GIT2: variants seen among roughly 807,000 people sequenced by gnomAD.
GIT2 encodes GIT ArfGAP 2, also known as ARF GTPase-activating protein GIT2.
A neutral mutation model predicts 100.3 loss-of-function variants in GIT2; 32 were observed. The observed-to-expected ratio is 0.32, with a 90% CI of 0.24 to 0.43. GIT2 has a LOEUF of 0.43. GIT2 is among the 20% of genes least tolerant of loss of function. GIT2 has a pLI of 1.00. For synonymous variants in GIT2, 353 were observed against 364.1 expected, an observed-to-expected ratio of 0.97 and a Z score of 0.35; for missense variants, 737 against 975.1, an observed-to-expected ratio of 0.76 and a Z score of 3.25.
intron 13 of GIT2, chr12:109,952,490 T>G (rs1300232471): frequency 3.9e-6 from 2 of 518,936 alleles, no homozygotes; most frequent in Admixed American, 3.9e-5. Flanking sequence ...TGAGGCCCAC[T>G]CTCTTCCGTC....
intron 7 of GIT2, among the ~76,000 whole-genome samples, chr12:109,976,430 G>A (rs1267062951): frequency 4.1e-5 from 6 of 147,194 alleles, no homozygotes; most frequent in Admixed American, 1.4e-4. Flanking sequence ...GACTACAGGC[G>A]CCCACCACCA....
At chr12:109,972,258 A>T (rs1289252709) in intron 7 of GIT2, among the ~76,000 whole-genome samples, 1 of 152,130 alleles carries the variant, frequency 6.6e-6, no homozygotes, top group Non-Finnish European at 1.5e-5. Flanking sequence ...TGGACACCCT[A>T]GTCTTTCTCC....
At position 109,948,123 on chromosome 12, in the gene GIT2, TAAA is replaced by T; in HGVS notation, c.1393-622_1393-620del. 2.6e-6 allele frequency: 2 copies of T among 762,180 alleles called. No individual in the cohort carries two copies. The highest frequency in any genetic ancestry group is 3.2e-6 in the Non-Finnish European group (2 of 631,022). 47.2% of individuals were successfully genotyped at this position (762,180 alleles called of 1,614,324 possible). A position where few individuals can be genotyped will look rare whatever the true frequency, so the allele number is the denominator to read the frequency against. On this transcript the variant is annotated intron_variant, in intron 14 of 19. Transcript: ENST00000355312. This position sits in a 1 kb window ranked among gnomAD's most constrained non-coding sequence, Gnocchi z 4.3. ...ATATTCCAAACAATTCAGCACTTTG[TAAA>T]AAAAAAAAGAAAAAAGAGAAAACCG...
chr12:109,942,219 A>AC (rs781166428), intron 16 of GIT2, among the ~76,000 whole-genome samples: 5 of 152,162 alleles, frequency 3.3e-5, no homozygotes, highest in Non-Finnish European at 5.9e-5. Flanking sequence ...ATAGATAAAA[A>AC]CTTGCATTTA....
chr12:109,953,148 C>A lies in GIT2; in HGVS notation c.1186G>T (p.Ala396Ser). 2 of 1,614,034 alleles carry A rather than the reference C, an allele frequency of 1.2e-6. No homozygotes were observed. Among genetic ancestry groups the A allele is most frequent in the Non-Finnish European group, 1.7e-6 (2 of 1,179,910 alleles). Residue 396 changes from alanine to serine, a missense_variant, in exon 13 of 20, where the codon GCA becomes TCA. Physicochemically the swap from Ala to Ser is moderately conservative, Grantham distance 99. Around this residue, in one of 3 missense-constraint regions of GIT2, gnomAD observed 451 missense variants for 543.7 expected, o/e 0.83. Coordinates refer to ENST00000355312, the MANE Select transcript of GIT2 (RefSeq NM_057169.5). ...TCCAAATCTGTGTCTTCGTCTGATG[C>A]CACGCTGTCATAGTCGGGCTGATCG... The part of the protein sequence containing the change: ...DNDQPDYDSV[A>S]SDEDTDLETT...
In GIT2 at chr12:109,952,875, A is replaced by G. The variant is rs1456506059; in HGVS notation, c.1242+217T>C. ...TCAGTAAACACTTGTTGAATGAATAAAACACACCAATCACTCCTCACAAGT... is the reference window on the plus strand; with the variant it reads ...TCAGTAAACACTTGTTGAATGAATAGAACACACCAATCACTCCTCACAAGT... On this transcript the variant is annotated intron_variant, in intron 13 of 19. Transcript: ENST00000355312. The G allele has an allele frequency of 2.4e-5, 14 of 591,596 alleles. No homozygotes were observed. The Admixed American group carries it at 4.2e-4, about 18-fold the overall frequency. 36.6% of individuals were successfully genotyped at this position (591,596 alleles called of 1,614,324 possible).
At chr12:109,998,281 C>A (rs546345140), upstream of GIT2, 2 of 152,332 alleles carry the variant, frequency 1.3e-5, no homozygotes, top group African/African-American at 4.8e-5. Flanking sequence ...GCTCCTGCAT[C>A]CTGTTTTGGT....
At chr12:109,999,306 G>T (rs889175737), upstream of GIT2, 1 of 153,474 alleles carries the variant, frequency 6.5e-6, no homozygotes, top group African/African-American at 2.4e-5. This position sits in a 1 kb window ranked among gnomAD's most constrained non-coding sequence, Gnocchi z 4.3. Flanking sequence ...TGAGTTTCTC[G>T]GTGTGAGCTG....
At chr12:109,938,616 GCCC>G in intron 17 of GIT2, 48 bp from the exon 18 acceptor site, 1 of 1,416,568 alleles carries the variant, frequency 7.1e-7, no homozygotes, top group Non-Finnish European at 9.6e-7. Context: ...CTTATCAGCT[GCCC>G]CTCTGCTTCT....
In GIT2 at chr12:109,948,287, G is replaced by C. The variant is rs1345599563; in HGVS notation, c.1393-783C>G. Reference sequence around the variant, plus strand: ...CTGGTGAGTGATCATCTTTCGGCCAGGGCTGGAATATTTGGCCTTTCTCTC... The same window carrying C: ...CTGGTGAGTGATCATCTTTCGGCCACGGCTGGAATATTTGGCCTTTCTCTC... On this transcript the variant is annotated intron_variant, in intron 14 of 19. Transcript: ENST00000355312. This position sits in a 1 kb window ranked among gnomAD's most constrained non-coding sequence, Gnocchi z 4.3. 1 of 986,910 alleles carries C rather than the reference G, an allele frequency of 1.0e-6. No individual in the cohort carries two copies. Among genetic ancestry groups the C allele is most frequent in the East Asian group, 1.1e-4 (1 of 8,860 alleles). The allele number at this position is 986,910 out of a possible 1,614,324, so 61.1% of individuals were successfully genotyped here.
intron 18 of GIT2, among the ~76,000 whole-genome samples, chr12:109,937,546 C>T (rs762140487): frequency 7.2e-5 from 11 of 152,080 alleles, no homozygotes; most frequent in Non-Finnish European, 8.8e-5. Flanking sequence ...CGCAACTCAC[C>T]GGAAGTTCTC....
At chr12:109,943,367 G>A (rs576464872) in intron 16 of GIT2, among the ~76,000 whole-genome samples, 3 of 151,678 alleles carry the variant, frequency 2.0e-5, no homozygotes, top group East Asian at 3.9e-4. Context: ...TCACTCTGTC[G>A]CCCAGGCTGG....
At chr12:109,987,932 A>G (rs1670834586) in intron 4 of GIT2, among the ~76,000 whole-genome samples, 1 of 152,224 alleles carries the variant, frequency 6.6e-6, no homozygotes, top group South Asian at 2.1e-4. Context: ...TACAAGTATC[A>G]TAAACCATTC....
At chr12:109,943,034 T>C (rs1875232669) in intron 16 of GIT2, 1 of 152,182 alleles carries the variant, frequency 6.6e-6, no homozygotes, top group African/African-American at 2.4e-5. Context: ...ATTTAATAGG[T>C]TTGCAGTTTT....
chr12:109,976,559 C>T (rs988474896), intron 7 of GIT2, among the ~76,000 whole-genome samples: 8 of 150,672 alleles, frequency 5.3e-5, no homozygotes, highest in South Asian at 4.2e-4. Context: ...GCTGGGATTA[C>T]GGGCGTGAGC....
At chr12:109,944,969 G>A (rs1468236061) in intron 16 of GIT2, among the ~76,000 whole-genome samples, 1 of 152,140 alleles carries the variant, frequency 6.6e-6, no homozygotes, top group Non-Finnish European at 1.5e-5. Context: ...TTTTCTCGTT[G>A]TTTAAAAAAA....
Position 109,947,823 on chromosome 12 carries a change from C to T in GIT2, c.1393-319G>A, listed in dbSNP as rs1876754555. 3.2e-6 allele frequency: 1 copy of T among 310,008 alleles called. No individual in the cohort carries two copies. Among genetic ancestry groups the T allele is most frequent in the East Asian group, 8.1e-5 (1 of 12,276 alleles). 19.2% of individuals were successfully genotyped at this position (310,008 alleles called of 1,614,324 possible). A position where few individuals can be genotyped will look rare whatever the true frequency, so the allele number is the denominator to read the frequency against. On this transcript the variant is annotated intron_variant, in intron 14 of 19. Transcript: ENST00000355312. The surrounding 1 kb of genome is among the most constrained non-coding windows in gnomAD (Gnocchi z 4.3). The stretch of plus-strand genomic sequence containing the variant: ...GGGCTGGGAAATGTTTGCAGGCAAG[C>T]TGTACACTGGATTATTACTAAGGCT...
chr12:109,966,404 G>T (rs1882410368), intron 8 of GIT2, among the ~76,000 whole-genome samples: 1 of 150,718 alleles, frequency 6.6e-6, no homozygotes, highest in Non-Finnish European at 1.5e-5. Flanking sequence ...AGCAACTCGG[G>T]AGGCGGAGAC....
intron 3 of GIT2, among the ~76,000 whole-genome samples, 170 bp from the exon 4 acceptor site, chr12:109,989,238 AT>A (rs1366280999): frequency 6.6e-6 from 1 of 152,186 alleles, no homozygotes; most frequent in East Asian, 1.9e-4. Flanking sequence ...GAAAACATAC[AT>A]TAGTTATTAT....
Sources: gnomAD v4.1 joint callset for allele counts (sites outside exome capture counted in the v4.1 genomes callset) on GRCh38, gnomAD v4.1.1 for gene constraint, gnomAD v4.1.1 regional missense constraint, Gnocchi (gnomAD v3.1) non-coding constraint, MANE v1.5 for transcripts, NCBI Gene and HGNC (gene_info 2026-07-23, HGNC 2026-07-21) for gene names.